Variants in SLC39A11 observed in about 807,000 individuals in gnomAD.
The protein encoded by SLC39A11 is solute carrier family 39 member 11, also known as zinc transporter ZIP11.
Under a neutral mutation model 36.1 loss-of-function variants are expected in SLC39A11, and 33 were observed. The observed-to-expected ratio is 0.91, with a 90% confidence interval of 0.69 to 1.22. SLC39A11 has a LOEUF of 1.22. Ranked by LOEUF, SLC39A11 falls within the 50% of genes most tolerant of loss-of-function variation. The pLI is 0.00. For missense variants in SLC39A11, 432 were observed against 430.3 expected (o/e 1.00, Z -0.03); for synonymous variants, 166 against 170.3 (o/e 0.97, Z 0.20).
At chr17:72,771,846 G>A (rs1034261416) in intron 6 of SLC39A11, among the ~76,000 whole-genome samples, 2 of 152,110 alleles carry the variant, frequency 1.3e-5, no homozygotes, top group Non-Finnish European at 2.9e-5. Context: ...ACCAGTGATC[G>A]GCAAAAGAAA....
At chr17:72,872,697 C>T (rs2080697385) in intron 5 of SLC39A11, among the ~76,000 whole-genome samples, 1 of 152,114 alleles carries the variant, frequency 6.6e-6, no homozygotes, top group Admixed American at 6.6e-5. Flanking sequence ...CCAAAACTAA[C>T]CACCCCCTCC....
chr17:73,007,868 C>T (rs1027676996), intron 4 of SLC39A11, among the ~76,000 whole-genome samples: 19 of 152,206 alleles, frequency 1.2e-4, no homozygotes, highest in South Asian at 6.2e-4. Flanking sequence ...TTTGGGAGGC[C>T]GAGGCATGTG....
chr17:73,084,793 C>A lies in SLC39A11; in HGVS notation c.147+15G>T, dbSNP rs780773085. 5 of 1,613,768 alleles carry A rather than the reference C, an allele frequency of 3.1e-6. No homozygotes were observed. In the African/African-American group the frequency reaches 6.7e-5, roughly 22 times the overall value. ...TATGCCTCAATTTCCATTTCTCCTA[C>A]TACATGCTACTTACCCCTGCAGCAA... is the stretch of plus-strand genomic sequence containing the variant. On this transcript the variant is annotated intron_variant, in intron 3 of 9. Coordinates refer to ENST00000255559, the MANE Select transcript of SLC39A11 (RefSeq NM_139177.4).
chr17:72,962,899 A>AT (rs1478553770), intron 4 of SLC39A11, among the ~76,000 whole-genome samples: 27 of 152,318 alleles, frequency 1.8e-4, no homozygotes, highest in Non-Finnish European at 8.8e-5. Flanking sequence ...AGAGCTGGCT[A>AT]TATGACTATA....
intron 3 of SLC39A11, among the ~76,000 whole-genome samples, chr17:73,082,176 A>T (rs890710067): frequency 6.7e-6 from 1 of 149,914 alleles, no homozygotes; most frequent in Admixed American, 6.7e-5. Flanking sequence ...CATACATTTT[A>T]ATTTAATTTT....
intron 5 of SLC39A11, among the ~76,000 whole-genome samples, chr17:72,869,582 G>A (rs145933827): frequency 6.6e-6 from 1 of 152,252 alleles, no homozygotes; most frequent in Non-Finnish European, 1.5e-5. Context: ...TAGAGACCAT[G>A]TTGGCCAGGC....
intron 5 of SLC39A11, among the ~76,000 whole-genome samples, chr17:72,924,330 G>C (rs1399619150): frequency 1.3e-5 from 2 of 151,996 alleles, no homozygotes; most frequent in African/African-American, 4.8e-5. Context: ...AAAGTGATTA[G>C]TGACATGGTC....
intron 7 of SLC39A11, among the ~76,000 whole-genome samples, chr17:72,677,419 G>C (rs568795121): frequency 6.6e-6 from 1 of 152,326 alleles, no homozygotes; most frequent in African/African-American, 2.4e-5. Flanking sequence ...CTCCTTTCGG[G>C]TCAGGAGATG....
At chr17:72,688,762 C>T (rs1450982823) in intron 7 of SLC39A11, among the ~76,000 whole-genome samples, 2 of 152,200 alleles carry the variant, frequency 1.3e-5, no homozygotes, top group Non-Finnish European at 2.9e-5. Flanking sequence ...CTGGTCTGTG[C>T]AAATCCCTGG....
In SLC39A11 at chr17:72,953,534, C is replaced by A. The variant is rs141679137; in HGVS notation, c.307-5659G>T. 2.6e-4 allele frequency among the ~76,000 whole-genome samples: 40 copies of A among 152,272 alleles called. 2 individuals carry two copies. In the East Asian group the frequency reaches 7.5e-3, roughly 29 times the overall value. ...GCTGTCCCAGGCAGGAGGAGGGCAA[C>A]TGTTAGTGGCTGATGTCTCCAGAGC... On this transcript the variant is annotated intron_variant, in intron 4 of 9. Transcript: ENST00000255559.
At chr17:72,910,122 C>A (rs1335001347) in intron 5 of SLC39A11, among the ~76,000 whole-genome samples, 1 of 152,038 alleles carries the variant, frequency 6.6e-6, no homozygotes. Flanking sequence ...TCTATCACAA[C>A]ATTTTTAGTC....
chr17:73,044,878 GAAAA>G (rs11298701), intron 3 of SLC39A11, among the ~76,000 whole-genome samples: 23 of 119,032 alleles, frequency 1.9e-4, no homozygotes, highest in Admixed American at 5.4e-4. Context: ...CTCTGTCTCA[GAAAA>G]AAAAAAAAAA....
intron 6 of SLC39A11, 45 bp downstream of exon 6, chr17:72,849,589 T>C (rs1332958241): frequency 2.1e-6 from 3 of 1,452,556 alleles, no homozygotes; most frequent in Middle Eastern, 2.0e-4. Flanking sequence ...GACAAATGAC[T>C]TTACCTTCAG....
At chr17:73,013,542 G>T (rs2090641904) in intron 4 of SLC39A11, among the ~76,000 whole-genome samples, 1 of 152,246 alleles carries the variant, frequency 6.6e-6, no homozygotes, top group Non-Finnish European at 1.5e-5. Flanking sequence ...AGGTGCAGCT[G>T]ACTTGGCCCT....
chr17:72,701,749 A>G (rs1157502158), intron 7 of SLC39A11, among the ~76,000 whole-genome samples: 2 of 148,150 alleles, frequency 1.3e-5, no homozygotes, highest in African/African-American at 2.5e-5. Flanking sequence ...AAAAAAAAGA[A>G]AAAGAGAAAG....
intron 3 of SLC39A11, among the ~76,000 whole-genome samples, chr17:73,080,056 A>G (rs1358414576): frequency 2.0e-5 from 3 of 152,194 alleles, no homozygotes; most frequent in Admixed American, 6.5e-5. Flanking sequence ...AAATGACCAC[A>G]CTGCCAAAAG....
intron 5 of SLC39A11, among the ~76,000 whole-genome samples, chr17:72,912,888 T>C (rs1263315452): frequency 6.6e-6 from 1 of 152,158 alleles, no homozygotes; most frequent in Non-Finnish European, 1.5e-5. Flanking sequence ...TCCCTCTTGC[T>C]CCATTGGCAA....
At chr17:72,717,410 G>C (rs1458512760) in intron 7 of SLC39A11, among the ~76,000 whole-genome samples, 7 of 152,108 alleles carry the variant, frequency 4.6e-5, no homozygotes, top group African/African-American at 1.7e-4. Flanking sequence ...GCAGGGCTAT[G>C]CTCCCCCTGA....
chr17:73,085,888 C>T (rs1238255002), intron 2 of SLC39A11, among the ~76,000 whole-genome samples: 1 of 152,164 alleles, frequency 6.6e-6, no homozygotes, highest in Non-Finnish European at 1.5e-5. Context: ...AACTAGGATA[C>T]ACTCATACAA....
Sources: gnomAD v4.1 joint callset for allele counts (sites outside exome capture counted in the v4.1 genomes callset) on GRCh38, gnomAD v4.1.1 for gene constraint, MANE v1.5 for transcripts, NCBI Gene and HGNC (gene_info 2026-07-23, HGNC 2026-07-21) for gene names.